GRID2: variants seen among roughly 807,000 people sequenced by gnomAD.
GRID2 encodes the protein glutamate receptor ionotropic, delta-2.
GRID2 carries 33 observed loss-of-function variants against 114.8 expected under a neutral mutation model. The ratio of observed to expected loss-of-function variants is 0.29; its 90% CI spans 0.22 to 0.38. The LOEUF (loss-of-function observed/expected upper bound fraction) is 0.38, where lower values mean the gene tolerates loss of function less well. Ranked by LOEUF, GRID2 falls within the 10% of genes least tolerant of loss-of-function variation. The pLI is 1.00. For synonymous variants in GRID2, 505 were observed against 449.9 expected (o/e 1.12, Z -1.55); for missense variants, 1,184 against 1,257.7 (o/e 0.94, Z 0.89).
chr4:92,740,100 T>G (rs1736800153), intron 2 of GRID2, among the ~76,000 whole-genome samples: 1 of 152,182 alleles, frequency 6.6e-6, no homozygotes, highest in African/African-American at 2.4e-5. Context: ...CTTTTCTTCC[T>G]TTGAGATTTT....
At chr4:93,588,667 T>A (rs1297902354) in intron 13 of GRID2, among the ~76,000 whole-genome samples, 1 of 152,122 alleles carries the variant, frequency 6.6e-6, no homozygotes, top group Non-Finnish European at 1.5e-5. Flanking sequence ...GGCTGCAGAG[T>A]CACACTCACA....
At chr4:92,611,648 G>A (rs1729748947) in intron 2 of GRID2, among the ~76,000 whole-genome samples, 1 of 151,514 alleles carries the variant, frequency 6.6e-6, no homozygotes, top group Non-Finnish European at 1.5e-5. Flanking sequence ...CTGGACAGCT[G>A]TGTACTATTT....
chr4:93,520,375 T>A (rs559199286), intron 13 of GRID2, among the ~76,000 whole-genome samples: 1 of 152,078 alleles, frequency 6.6e-6, no homozygotes, highest in East Asian at 1.9e-4. Context: ...GATGTTGCCA[T>A]CCCACATTGG....
At chr4:92,515,318 C>T (rs1034639442) in intron 1 of GRID2, among the ~76,000 whole-genome samples, 3 of 151,862 alleles carry the variant, frequency 2.0e-5, no homozygotes, top group South Asian at 2.1e-4. Flanking sequence ...CTGTAGTGCC[C>T]GTCACCTTGT....
intron 2 of GRID2, among the ~76,000 whole-genome samples, chr4:92,958,501 G>T (rs1752579450): frequency 1.3e-5 from 2 of 152,162 alleles, no homozygotes; most frequent in South Asian, 4.1e-4. Flanking sequence ...AACCAGCCTT[G>T]TATATCCGGG....
At chr4:92,875,284 C>T (rs770885951) in intron 2 of GRID2, among the ~76,000 whole-genome samples, 26 of 151,504 alleles carry the variant, frequency 1.7e-4, no homozygotes, top group South Asian at 6.2e-4. Context: ...TTGCCTCAGC[C>T]TCCTGAGTAG....
chr4:93,165,178 A>G (rs995363481), intron 4 of GRID2, among the ~76,000 whole-genome samples: 1 of 152,114 alleles, frequency 6.6e-6, no homozygotes, highest in Non-Finnish European at 1.5e-5. Context: ...ATTATTATGT[A>G]AGCAGATATC....
chr4:92,460,053 T>TATATATATATATATATACACAC (rs1032538170), intron 1 of GRID2, among the ~76,000 whole-genome samples: 1 of 99,768 alleles, frequency 1.0e-5, no homozygotes, highest in Admixed American at 1.1e-4. Context: ...TATATATATA[T>TATATATATATATATATACACAC]ACACACACAA....
chr4:92,441,692 G>C (rs1009989122), intron 1 of GRID2, among the ~76,000 whole-genome samples: 1 of 151,906 alleles, frequency 6.6e-6, no homozygotes, highest in Admixed American at 6.6e-5. Context: ...TTTTTAAAGC[G>C]TGCTGAGGGA....
At chr4:93,526,002 T>TA (rs1730854028) in intron 13 of GRID2, among the ~76,000 whole-genome samples, 1 of 152,196 alleles carries the variant, frequency 6.6e-6, no homozygotes, top group Non-Finnish European at 1.5e-5. Context: ...TGCATATATA[T>TA]TTTTTAAAAA....
intron 14 of GRID2, among the ~76,000 whole-genome samples, chr4:93,727,310 C>G (rs1335311274): frequency 6.6e-6 from 1 of 152,052 alleles, no homozygotes; most frequent in Non-Finnish European, 1.5e-5. Context: ...GTATGTTGAA[C>G]CAGCCTTGCA....
chr4:93,503,499 C>T (rs1381671536), intron 12 of GRID2, among the ~76,000 whole-genome samples: 1 of 133,822 alleles, frequency 7.5e-6, no homozygotes, highest in Admixed American at 7.9e-5. Context: ...CAACAGTCCT[C>T]GGTGTGTGAT....
At chr4:92,357,366 C>T (rs1728378175) in intron 1 of GRID2, among the ~76,000 whole-genome samples, 1 of 151,752 alleles carries the variant, frequency 6.6e-6, no homozygotes, top group Non-Finnish European at 1.5e-5. Flanking sequence ...GATAATAAAA[C>T]AGATCTGAGT....
intron 2 of GRID2, among the ~76,000 whole-genome samples, chr4:92,989,032 G>A (rs1754679501): frequency 1.3e-5 from 2 of 151,958 alleles, no homozygotes; most frequent in Non-Finnish European, 1.5e-5. Context: ...GTAATCCCAG[G>A]CATGGGAAGC....
intron 2 of GRID2, among the ~76,000 whole-genome samples, chr4:92,736,312 A>T (rs1210254521): frequency 1.3e-5 from 2 of 152,108 alleles, no homozygotes; most frequent in African/African-American, 4.8e-5. Context: ...TTTGATCTAG[A>T]ACCTCCAGAA....
intron 4 of GRID2, among the ~76,000 whole-genome samples, chr4:93,137,865 A>C (rs1735404577): frequency 6.6e-6 from 1 of 151,902 alleles, no homozygotes; most frequent in African/African-American, 2.4e-5. Flanking sequence ...TATAATTAGG[A>C]AATTAAGTGT....
At chr4:92,535,314 T>C (rs2149156221) in intron 1 of GRID2, among the ~76,000 whole-genome samples, 1 of 152,306 alleles carries the variant, frequency 6.6e-6, no homozygotes, top group South Asian at 2.1e-4. Flanking sequence ...TTCCAAAATA[T>C]TTCAACTTTC....
intron 4 of GRID2, among the ~76,000 whole-genome samples, chr4:93,205,616 A>G (rs554466948): frequency 1.4e-4 from 22 of 152,298 alleles, no homozygotes; most frequent in African/African-American, 4.8e-4. Context: ...CGCGATAAAC[A>G]TACGTGTGCA....
chr4:93,558,664 G>C (rs542536749), intron 13 of GRID2, among the ~76,000 whole-genome samples: 6 of 152,232 alleles, frequency 3.9e-5, no homozygotes, highest in Non-Finnish European at 7.4e-5. Context: ...GTACAAAGAG[G>C]AGCTGGTACC....
Sources: gnomAD v4.1 joint callset for allele counts (sites outside exome capture counted in the v4.1 genomes callset) on GRCh38, gnomAD v4.1.1 for gene constraint, MANE v1.5 for transcripts, NCBI Gene and HGNC (gene_info 2026-07-23, HGNC 2026-07-21) for gene names.